The following UBXN8 variants were observed in gnomAD, a reference collection of about 807,000 sequenced individuals.
UBXN8 encodes UBX domain protein 8.
A neutral mutation model predicts 32.1 loss-of-function variants in UBXN8; 27 were observed. The ratio of observed to expected loss-of-function variants is 0.84; its 90% confidence interval spans 0.62 to 1.16. The LOEUF (loss-of-function observed/expected upper bound fraction) is 1.16, where lower values mean the gene tolerates loss of function less well. Ranked by LOEUF, UBXN8 falls within the 50% of genes most tolerant of loss-of-function variation. The pLI is 0.00. For missense variants in UBXN8, 306 were observed against 311.4 expected, an observed-to-expected ratio of 0.98 and a Z score of 0.13; for synonymous variants, 109 against 111.8, an observed-to-expected ratio of 0.98 and a Z score of 0.16.
intron 1 of UBXN8, among the ~76,000 whole-genome samples, chr8:30,739,109 T>C (rs1027370111): frequency 6.6e-6 from 1 of 150,528 alleles, no homozygotes; most frequent in African/African-American, 2.4e-5. Flanking sequence ...AGTGGTTTCA[T>C]GGGGGTTGAT....
intron 4 of UBXN8, among the ~76,000 whole-genome samples, chr8:30,755,472 A>T (rs1336360053): frequency 6.6e-6 from 1 of 152,076 alleles, no homozygotes; most frequent in Non-Finnish European, 1.5e-5. Flanking sequence ...TTCCTTAAAA[A>T]GCTGTTGTGG....
At chr8:30,760,381 C>G (rs1460094907) in intron 5 of UBXN8, among the ~76,000 whole-genome samples, 1 of 138,436 alleles carries the variant, frequency 7.2e-6, no homozygotes, top group Non-Finnish European at 1.5e-5. Flanking sequence ...AACATTTATC[C>G]TGTTTTTATA....
At chr8:30,745,990 A>G (rs1805348257) in intron 1 of UBXN8, among the ~76,000 whole-genome samples, 2 of 152,138 alleles carry the variant, frequency 1.3e-5, no homozygotes, top group Non-Finnish European at 2.9e-5. Context: ...GGCTCAAGCA[A>G]TCCACCCACT....
At chr8:30,760,853 A>G (rs1036777972) in intron 5 of UBXN8, 35 bp from the exon 6 acceptor site, 150 of 1,431,914 alleles carry the variant, frequency 1.0e-4, no homozygotes, top group Non-Finnish European at 1.4e-4. Context: ...CTTGTTGAAC[A>G]TGTTTACATT....
At chr8:30,763,551 A>T (rs1448058941) in intron 7 of UBXN8, among the ~76,000 whole-genome samples, 2 of 152,190 alleles carry the variant, frequency 1.3e-5, no homozygotes, top group Non-Finnish European at 2.9e-5. Flanking sequence ...TGATCTCTGC[A>T]TTCACATTTT....
intron 5 of UBXN8, 135 bp downstream of exon 5, chr8:30,757,022 G>A: frequency 7.4e-7 from 1 of 1,348,866 alleles, no homozygotes; most frequent in Non-Finnish European, 1.0e-6. Context: ...GCCTTACAAA[G>A]CAATCACCCC....
chr8:30,754,550 G>A, intron 3 of UBXN8, 115 bp from the exon 4 acceptor site: 1 of 1,381,824 alleles, frequency 7.2e-7, no homozygotes, highest in Non-Finnish European at 9.7e-7. Flanking sequence ...GGTGGCAGTG[G>A]CTCTGTTCAG....
chr8:30,736,437 T>C (rs2128751827), intron 1 of UBXN8, among the ~76,000 whole-genome samples: 1 of 152,312 alleles, frequency 6.6e-6, no homozygotes, highest in East Asian at 1.9e-4. Context: ...TGAATATAAA[T>C]ATGTGGTATT....
chr8:30,731,238 C>G (rs1174949572), upstream of UBXN8, among the ~76,000 whole-genome samples: 1 of 152,118 alleles, frequency 6.6e-6, no homozygotes, highest in African/African-American at 2.4e-5. Context: ...TCAAGGACTC[C>G]CAAAGAGCCT....
Position 30,766,633 on chromosome 8 carries a change from G to A in UBXN8, c.*239G>A, listed in dbSNP as rs1402690900. On this transcript the variant is annotated 3_prime_UTR_variant, in exon 8 of 8. Transcript: ENST00000265616. ...ATGAGGTTGAAATGTATGCAGTAAG[G>A]TACTCAGTAATTAATTGGTATTTTT... 3.3e-5 allele frequency: 8 copies of A among 239,440 alleles called. No homozygotes were observed. Among genetic ancestry groups the A allele is most frequent in the Non-Finnish European group, 5.6e-5 (7 of 125,932 alleles). The allele number at this position is 239,440 out of a possible 1,614,324, so 14.8% of individuals were successfully genotyped here.
rs1219497969 is a variant in UBXN8 at position 30,747,397 on chromosome 8, G to A, written c.88+3120G>A. Among the ~76,000 whole-genome samples the A allele has an allele frequency of 4.4e-5, 5 of 112,370 alleles. 2 individuals are homozygous for A. Among genetic ancestry groups the A allele is most frequent in the Non-Finnish European group, 6.8e-5 (4 of 58,808 alleles). 73.7% of individuals were successfully genotyped at this position (112,370 alleles called of 152,430 possible). A position where few individuals can be genotyped will look rare whatever the true frequency, so the allele number is the denominator to read the frequency against. On this transcript the variant is annotated intron_variant, in intron 1 of 7. Coordinates refer to ENST00000265616, the MANE Select transcript of UBXN8 (RefSeq NM_005671.4). ...ACAATCTCTGCTCACTGCAACCTCC[G>A]CCTCCCAGGTCCAAGCCATTATCCT...
At chr8:30,742,486 G>C (rs530708124), upstream of UBXN8, among the ~76,000 whole-genome samples, 1 of 152,242 alleles carries the variant, frequency 6.6e-6, no homozygotes, top group East Asian at 1.9e-4. Flanking sequence ...GAGTAGCTGG[G>C]AGCACAGGCT....
chr8:30,738,870 C>T (rs955317960), intron 1 of UBXN8, among the ~76,000 whole-genome samples: 6 of 147,028 alleles, frequency 4.1e-5, no homozygotes, highest in African/African-American at 1.2e-4. Context: ...GCAGGAGAAT[C>T]GCTTGAACCT....
chr8:30,740,953 T>C (rs990997933), upstream of UBXN8, among the ~76,000 whole-genome samples: 2 of 152,216 alleles, frequency 1.3e-5, no homozygotes, highest in African/African-American at 2.4e-5. Flanking sequence ...GAGCTGATCA[T>C]TGAATTGGGC....
At chr8:30,745,565 A>C (rs1805339659) in intron 1 of UBXN8, among the ~76,000 whole-genome samples, 1 of 152,214 alleles carries the variant, frequency 6.6e-6, no homozygotes, top group Non-Finnish European at 1.5e-5. Context: ...TGTTGCGTGC[A>C]ATAAGAAATG....
chr8:30,739,654 T>A (rs999751086), upstream of UBXN8, among the ~76,000 whole-genome samples: 3 of 152,240 alleles, frequency 2.0e-5, no homozygotes, highest in African/African-American at 7.2e-5. Context: ...TTCCTGTTTA[T>A]GGTATTATAC....
rs1299485833 is a variant in UBXN8 at position 30,766,709 on chromosome 8, C to G, written c.*315C>G. Reference sequence around the variant, plus strand: ...TTAGAAAACAAACCCTTAGAACTTTCCTTTCTGCCTCTTCAATCCATCTTA... The same window carrying G: ...TTAGAAAACAAACCCTTAGAACTTTGCTTTCTGCCTCTTCAATCCATCTTA... On this transcript the variant is annotated 3_prime_UTR_variant, in exon 8 of 8. Coordinates refer to ENST00000265616, the MANE Select transcript of UBXN8 (RefSeq NM_005671.4). 1.2e-5 allele frequency: 2 copies of G among 161,016 alleles called. No homozygotes were observed. Among genetic ancestry groups the G allele is most frequent in the African/African-American group, 4.8e-5 (2 of 41,826 alleles). 10.0% of individuals were successfully genotyped at this position (161,016 alleles called of 1,614,324 possible).
At chr8:30,755,115 C>A (rs943678939) in intron 4 of UBXN8, among the ~76,000 whole-genome samples, 2 of 151,814 alleles carry the variant, frequency 1.3e-5, no homozygotes, top group African/African-American at 4.8e-5. Context: ...GCCACCATGC[C>A]CAGCTAATTT....
At chr8:30,744,040 G>A, upstream of UBXN8, 1 of 684,394 alleles carries the variant, frequency 1.5e-6, no homozygotes, top group Non-Finnish European at 2.5e-6. Context: ...ACGGGGCTTA[G>A]CTCCCCCTCA....
Sources: gnomAD v4.1 joint callset for allele counts (sites outside exome capture counted in the v4.1 genomes callset) on GRCh38, gnomAD v4.1.1 for gene constraint, MANE v1.5 for transcripts, NCBI Gene and HGNC (gene_info 2026-07-23, HGNC 2026-07-21) for gene names.